The following PAH variants were observed in gnomAD, a reference collection of about 807,000 sequenced individuals.
The protein encoded by PAH is phenylalanine hydroxylase.
A neutral mutation model predicts 62.0 loss-of-function variants in PAH; 64 were observed. The observed-to-expected ratio is 1.03, with a 90% CI of 0.84 to 1.27. The LOEUF is 1.27. Among genes scored for constraint, PAH ranks in the 50% most tolerant of loss-of-function variants. The probability of loss-of-function intolerance (pLI) is 0.00; values close to 1 mark genes in which losing one functional copy is unlikely to be tolerated. For synonymous variants in PAH, 195 were observed against 196.2 expected, an observed-to-expected ratio of 0.99 and a Z score of 0.05; for missense variants, 579 against 542.8, an observed-to-expected ratio of 1.07 and a Z score of -0.66.
chr12:102,839,713 C>T (rs570888226), intron 12 of PAH, among the ~76,000 whole-genome samples: 1 of 152,322 alleles, frequency 6.6e-6, no homozygotes, highest in South Asian at 2.1e-4. Context: ...ATTTTAGAAT[C>T]CATGGTCTAA....
At chr12:102,922,761 A>G (rs1399197411) in intron 1 of PAH, among the ~76,000 whole-genome samples, 1 of 152,222 alleles carries the variant, frequency 6.6e-6, no homozygotes, top group African/African-American at 2.4e-5. Context: ...TAATACATTA[A>G]GTTGAATGTA....
chr12:102,869,157 G>C (rs924558311), intron 4 of PAH, among the ~76,000 whole-genome samples: 4 of 152,158 alleles, frequency 2.6e-5, no homozygotes, highest in Non-Finnish European at 5.9e-5. Flanking sequence ...GCTGCTTCTA[G>C]GAATGAGATA....
intron 8 of PAH, among the ~76,000 whole-genome samples, chr12:102,848,575 T>G (rs1200685301): frequency 3.5e-4 from 41 of 116,750 alleles, no homozygotes; most frequent in Admixed American, 4.2e-4. Context: ...AGAGGCTGAG[T>G]GTAGACAGGA....
chr12:102,898,794 C>T (rs1176434883), intron 2 of PAH, among the ~76,000 whole-genome samples: 1 of 152,184 alleles, frequency 6.6e-6, no homozygotes, highest in African/African-American at 2.4e-5. Flanking sequence ...TCCTGCCAGG[C>T]ATACATACAG....
chr12:102,949,214 A>G (rs2136773996), intron 1 of PAH, among the ~76,000 whole-genome samples: 1 of 152,332 alleles, frequency 6.6e-6, no homozygotes, highest in African/African-American at 2.4e-5. Context: ...CTCTTGCCCT[A>G]GTCCCCAGGG....
chr12:102,843,781 T>C lies in PAH; in HGVS notation c.1066-2A>G. On this transcript the variant is annotated splice_acceptor_variant, in intron 10 of 12. Coordinates refer to ENST00000553106, the MANE Select transcript of PAH (RefSeq NM_000277.3). LOFTEE classifies it high-confidence loss of function. ...CTTTGGCTTCTCTGATAAGCAGTAC[T>C]GTAGGCCCCAAGTGAAAAGTTATTA... The C allele has an allele frequency of 1.2e-6, 2 of 1,613,666 alleles. No individual in the cohort carries two copies. Among genetic ancestry groups the C allele is most frequent in the Non-Finnish European group, 1.7e-6 (2 of 1,179,790 alleles).
rs534470799 is a variant in PAH at position 102,863,373 on chromosome 12, C to T, written c.509+3223G>A. Among the ~76,000 whole-genome samples, 4 of 152,280 alleles carry T rather than the reference C, an allele frequency of 2.6e-5. No homozygotes were observed. The East Asian group carries it at 7.7e-4, about 29-fold the overall frequency. On this transcript the variant is annotated intron_variant, in intron 5 of 12. Coordinates refer to ENST00000553106, the MANE Select transcript of PAH (RefSeq NM_000277.3). The stretch of plus-strand genomic sequence containing the variant: ...GACACCTGCTGTTCTAGGGACTCAA[C>T]ATCTGTTCCCCATTCATCAGTAAAG...
At chr12:102,916,922 T>C in intron 1 of PAH, 149 bp downstream of exon 1, 1 of 766,918 alleles carries the variant, frequency 1.3e-6, no homozygotes, top group Non-Finnish European at 2.3e-6. Context: ...GACATTTGTC[T>C]GTTGACTTCC....
intron 1 of PAH, among the ~76,000 whole-genome samples, chr12:102,942,601 T>C (rs1879334581): frequency 6.6e-6 from 1 of 151,972 alleles, no homozygotes; most frequent in Non-Finnish European, 1.5e-5. Flanking sequence ...AGAACCTAGG[T>C]ATTCAAAACA....
intron 1 of PAH, among the ~76,000 whole-genome samples, chr12:102,944,647 T>C (rs73377917): frequency 0.032 from 4,909 of 152,340 alleles, 276 homozygotes; most frequent in African/African-American, 0.11. Flanking sequence ...AATTCTGAAT[T>C]CCTTCTCTAT....
At chr12:102,945,950 T>C (rs1879477539) in intron 1 of PAH, 1 of 152,242 alleles carries the variant, frequency 6.6e-6, no homozygotes, top group Non-Finnish European at 1.5e-5. Context: ...ACCTGGTTAC[T>C]GTTGCTGATC....
At chr12:102,860,515 C>T (rs1049275236) in intron 5 of PAH, among the ~76,000 whole-genome samples, 10 of 152,052 alleles carry the variant, frequency 6.6e-5, no homozygotes, top group South Asian at 2.1e-4. Flanking sequence ...AAAAATAGCC[C>T]GCATTGCCAA....
intron 1 of PAH, among the ~76,000 whole-genome samples, chr12:102,925,668 T>C (rs1878664528): frequency 1.3e-5 from 2 of 152,146 alleles, no homozygotes. Flanking sequence ...CTTGTTTCAA[T>C]GGCATCCTTC....
In PAH at chr12:102,882,750, A is replaced by G. The variant is rs542795164; in HGVS notation, c.353-5200T>C. ...GGAAAGTTTTCCAGCAAGCCTAGAA[A>G]GTCTCTACCACTTATTTCGTTGTGT... On this transcript the variant is annotated intron_variant, in intron 3 of 12. Transcript: ENST00000553106. Among the ~76,000 whole-genome samples, 10 of 150,816 alleles carry G rather than the reference A, an allele frequency of 6.6e-5. No individual in the cohort carries two copies. In the South Asian group the frequency reaches 2.1e-3, roughly 32 times the overall value.
At chr12:102,885,441 G>T (rs1159969881) in intron 3 of PAH, among the ~76,000 whole-genome samples, 2 of 152,180 alleles carry the variant, frequency 1.3e-5, no homozygotes, top group Non-Finnish European at 2.9e-5. Context: ...CCTCTCCGGC[G>T]GGCGGCTGGG....
chr12:102,891,593 T>G (rs541440674), intron 3 of PAH, among the ~76,000 whole-genome samples: 2 of 152,328 alleles, frequency 1.3e-5, no homozygotes, highest in South Asian at 2.1e-4. Context: ...AGTGCTTCAC[T>G]TGTGTGATTT....
intron 3 of PAH, among the ~76,000 whole-genome samples, chr12:102,886,949 G>A (rs559439138): frequency 3.3e-5 from 5 of 152,228 alleles, no homozygotes; most frequent in East Asian, 3.9e-4. Context: ...AGTTGGCAAC[G>A]CTGACTCTGT....
intron 1 of PAH, among the ~76,000 whole-genome samples, chr12:102,932,912 T>C (rs1185077977): frequency 6.6e-6 from 1 of 152,216 alleles, no homozygotes; most frequent in Non-Finnish European, 1.5e-5. Flanking sequence ...CATTACACAT[T>C]GCACGCTTAT....
chr12:102,879,660 G>C (rs1876737223), intron 3 of PAH, among the ~76,000 whole-genome samples: 1 of 151,932 alleles, frequency 6.6e-6, no homozygotes, highest in Non-Finnish European at 1.5e-5. Context: ...CTGAGGTACA[G>C]AGAGGTTTAG....
Sources: gnomAD v4.1 joint callset for allele counts (sites outside exome capture counted in the v4.1 genomes callset) on GRCh38, gnomAD v4.1.1 for gene constraint, MANE v1.5 for transcripts, NCBI Gene and HGNC (gene_info 2026-07-23, HGNC 2026-07-21) for gene names.